Variants in NRXN1 observed in about 807,000 individuals in gnomAD.
NRXN1 encodes neurexin 1.
NRXN1 carries 39 observed loss-of-function variants against 150.9 expected under a neutral mutation model. The observed-to-expected ratio is 0.26, with a 90% CI of 0.20 to 0.34. The LOEUF (loss-of-function observed/expected upper bound fraction) is 0.34. Among genes scored for constraint, NRXN1 ranks in the 10% least tolerant of loss-of-function variants. The pLI is 1.00. For missense variants in NRXN1, 1,815 were observed against 1,949.9 expected (o/e 0.93, Z 1.30); for synonymous variants, 924 against 757.0 (o/e 1.22, Z -3.62).
At chr2:49,958,285 T>C (rs1358807299) in intron 21 of NRXN1, among the ~76,000 whole-genome samples, 1 of 152,214 alleles carries the variant, frequency 6.6e-6, no homozygotes, top group Non-Finnish European at 1.5e-5. Flanking sequence ...TGACCTCTTT[T>C]TTTGGTCCAC....
chr2:50,569,253 A>G (rs2072065897), intron 8 of NRXN1, among the ~76,000 whole-genome samples: 1 of 152,152 alleles, frequency 6.6e-6, no homozygotes, highest in Non-Finnish European at 1.5e-5. Flanking sequence ...TGTAGTCAAC[A>G]ATAATATATT....
intron 5 of NRXN1, among the ~76,000 whole-genome samples, chr2:50,747,883 CAGG>C (rs1398862063): frequency 1.3e-5 from 2 of 152,074 alleles, no homozygotes; most frequent in Non-Finnish European, 1.5e-5. Context: ...GGCTCGCAAC[CAGG>C]AGAAGGTGTA....
At chr2:50,991,883 C>T (rs1442606439) in intron 2 of NRXN1, among the ~76,000 whole-genome samples, 1 of 152,012 alleles carries the variant, frequency 6.6e-6, no homozygotes, top group Non-Finnish European at 1.5e-5. Flanking sequence ...ATTAGAAATG[C>T]TTCCCCATGT....
chr2:50,569,303 C>A (rs1245490507), intron 8 of NRXN1, among the ~76,000 whole-genome samples: 1 of 151,960 alleles, frequency 6.6e-6, no homozygotes. Flanking sequence ...ATTGGATTAT[C>A]TGTAACACAG....
intron 2 of NRXN1, among the ~76,000 whole-genome samples, chr2:50,933,066 G>A (rs545496623): frequency 4.6e-5 from 7 of 151,906 alleles, no homozygotes; most frequent in Middle Eastern, 3.4e-3. Context: ...AAAAAAACAC[G>A]CATTTAGAAA....
chr2:50,178,914 T>C (rs1416413477), intron 18 of NRXN1, among the ~76,000 whole-genome samples: 1 of 152,160 alleles, frequency 6.6e-6, no homozygotes. Flanking sequence ...AACAAAGCCA[T>C]GTATGAATTT....
intron 17 of NRXN1, among the ~76,000 whole-genome samples, chr2:50,242,896 G>C (rs1364029840): frequency 6.6e-6 from 1 of 151,672 alleles, no homozygotes; most frequent in African/African-American, 2.4e-5. Flanking sequence ...AAGAAGGCAA[G>C]AAACATGACA....
At chr2:50,860,838 T>A (rs535918599) in intron 5 of NRXN1, among the ~76,000 whole-genome samples, 1 of 152,128 alleles carries the variant, frequency 6.6e-6, no homozygotes, top group Non-Finnish European at 1.5e-5. Context: ...GATTTAAAAC[T>A]GTATATAAGT....
chr2:50,174,038 A>G (rs1405737418), intron 18 of NRXN1, among the ~76,000 whole-genome samples: 1 of 152,080 alleles, frequency 6.6e-6, no homozygotes, highest in Non-Finnish European at 1.5e-5. Flanking sequence ...TTCCCCACAA[A>G]AATAAAAAAA....
At chr2:50,586,152 T>C (rs554473902) in intron 8 of NRXN1, among the ~76,000 whole-genome samples, 1 of 152,308 alleles carries the variant, frequency 6.6e-6, no homozygotes, top group East Asian at 1.9e-4. Flanking sequence ...GCCCCAAACC[T>C]ACTTACCCTC....
chr2:50,709,950 T>TG (rs1694942558), intron 5 of NRXN1, among the ~76,000 whole-genome samples: 1 of 152,170 alleles, frequency 6.6e-6, no homozygotes, highest in African/African-American at 2.4e-5. Context: ...AGATATATTT[T>TG]GAGTTGATAC....
intron 18 of NRXN1, among the ~76,000 whole-genome samples, chr2:50,098,464 T>C (rs946745674): frequency 2.0e-5 from 3 of 152,104 alleles, no homozygotes; most frequent in East Asian, 1.9e-4. Flanking sequence ...CAGGTTCTAA[T>C]GCAACTCCCA....
At chr2:50,341,710 A>T (rs1477488832) in intron 17 of NRXN1, among the ~76,000 whole-genome samples, 1 of 152,228 alleles carries the variant, frequency 6.6e-6, no homozygotes, top group Non-Finnish European at 1.5e-5. Flanking sequence ...CGAAAAGTAG[A>T]AATTGTTATG....
chr2:50,281,403 A>G (rs1285600868), intron 17 of NRXN1, among the ~76,000 whole-genome samples: 1 of 152,062 alleles, frequency 6.6e-6, no homozygotes, highest in African/African-American at 2.4e-5. Flanking sequence ...TGAAACATGA[A>G]TGTGCTATGG....
intron 2 of NRXN1, among the ~76,000 whole-genome samples, chr2:50,937,554 G>C (rs971154302): frequency 3.9e-5 from 6 of 152,110 alleles, no homozygotes; most frequent in African/African-American, 1.4e-4. Flanking sequence ...AAGGAGTTTA[G>C]TATTAGTTGC....
intron 5 of NRXN1, among the ~76,000 whole-genome samples, chr2:50,882,441 TTC>T (rs1247357734): frequency 1.3e-5 from 2 of 152,058 alleles, no homozygotes; most frequent in Admixed American, 1.3e-4. Flanking sequence ...GAAAATAAGT[TTC>T]AAAGAATTTG....
intron 16 of NRXN1, among the ~76,000 whole-genome samples, chr2:50,467,002 C>T (rs2088953619): frequency 1.3e-5 from 2 of 151,714 alleles, no homozygotes; most frequent in African/African-American, 4.8e-5. Context: ...TTTAGAGTGA[C>T]ACCAACCAAA....
intron 5 of NRXN1, among the ~76,000 whole-genome samples, chr2:50,736,525 G>A (rs1205735326): frequency 6.6e-6 from 1 of 152,030 alleles, no homozygotes; most frequent in Non-Finnish European, 1.5e-5. Flanking sequence ...TCTGTTATAG[G>A]GCGGACCTGG....
rs143406615 is a variant in NRXN1, at chr2:50,679,950, T to C, written c.833-56335A>G. ...GAGTTCCAGACCAGCCTGGGAAACATGGCAAAACCTCGTCTCTACAAAAAT... is the reference window on the plus strand; with the variant it reads ...GAGTTCCAGACCAGCCTGGGAAACACGGCAAAACCTCGTCTCTACAAAAAT... On this transcript the variant is annotated intron_variant, in intron 5 of 22. Transcript: ENST00000401669. Among the ~76,000 whole-genome samples the C allele has an allele frequency of 2.4e-3, 365 of 151,410 alleles. 9 individuals carry two copies. In the East Asian group the frequency reaches 0.066, roughly 27 times the overall value.
Sources: gnomAD v4.1 joint callset for allele counts (sites outside exome capture counted in the v4.1 genomes callset) on GRCh38, gnomAD v4.1.1 for gene constraint, MANE v1.5 for transcripts, NCBI Gene and HGNC (gene_info 2026-07-23, HGNC 2026-07-21) for gene names.